SAMSN1: variants seen among roughly 807,000 people sequenced by gnomAD.
SAMSN1 encodes SAM domain-containing protein SAMSN-1.
In SAMSN1, 31 loss-of-function variants were observed where a neutral mutation model predicts 42.0. The observed-to-expected ratio is 0.74, with a 90% CI of 0.55 to 1.00. The LOEUF is 1.00. Ranked by LOEUF, SAMSN1 falls within the 50% of genes least tolerant of loss-of-function variation. The pLI, the probability that SAMSN1 is intolerant of heterozygous loss-of-function variation, is 0.00. For missense variants in SAMSN1, 464 were observed against 439.4 expected, an observed-to-expected ratio of 1.06 and a Z score of -0.50; for synonymous variants, 178 against 151.9, an observed-to-expected ratio of 1.17 and a Z score of -1.26.
intron 5 of SAMSN1, among the ~76,000 whole-genome samples, chr21:14,506,044 C>G (rs74786851): frequency 0.015 from 2,316 of 152,020 alleles, 57 homozygotes; most frequent in African/African-American, 0.046. Context: ...GTGACATGAC[C>G]TATGACAACC....
intron 1 of SAMSN1, among the ~76,000 whole-genome samples, chr21:14,538,051 A>G (rs1979745686): frequency 6.6e-6 from 1 of 152,234 alleles, no homozygotes; most frequent in Non-Finnish European, 1.5e-5. Flanking sequence ...TATCAAAAAT[A>G]CTTTTTAAAA....
At chr21:14,530,329 A>G (rs374963010) in intron 1 of SAMSN1, among the ~76,000 whole-genome samples, 4 of 126,432 alleles carry the variant, frequency 3.2e-5, no homozygotes, top group Non-Finnish European at 3.6e-5. Context: ...AAAAAAAAAA[A>G]AAAAAAAGAA....
chr21:14,585,820 C>T (rs1442920012), upstream of SAMSN1, among the ~76,000 whole-genome samples: 2 of 152,072 alleles, frequency 1.3e-5, no homozygotes, highest in African/African-American at 4.8e-5. Context: ...ATGTTTGATA[C>T]TAGACTCATT....
At chr21:14,546,152 T>A in intron 1 of SAMSN1, 53 bp downstream of exon 1, 1 of 1,487,440 alleles carries the variant, frequency 6.7e-7, no homozygotes, top group Non-Finnish European at 9.3e-7. Flanking sequence ...CATATGTGTT[T>A]ATTTTCTATT....
intron 6 of SAMSN1, among the ~76,000 whole-genome samples, chr21:14,595,618 A>C (rs1204588371): frequency 1.3e-5 from 2 of 152,194 alleles, no homozygotes; most frequent in Non-Finnish European, 2.9e-5. Context: ...TGACAATCGC[A>C]AGAAGTTTTA....
intron 1 of SAMSN1, among the ~76,000 whole-genome samples, chr21:14,524,704 T>TG (rs1482575770): frequency 6.6e-6 from 1 of 152,196 alleles, no homozygotes; most frequent in Non-Finnish European, 1.5e-5. Context: ...TAAAGCCTAA[T>TG]GTTCATCAAG....
chr21:14,551,341 A>G (rs542587499), intron 2 of SAMSN1, among the ~76,000 whole-genome samples: 1 of 152,260 alleles, frequency 6.6e-6, no homozygotes, highest in South Asian at 2.1e-4. Context: ...GAACCTAAAG[A>G]ATCATACAGG....
chr21:14,604,799 A>T (rs1427660270), intron 5 of SAMSN1, among the ~76,000 whole-genome samples: 2 of 152,226 alleles, frequency 1.3e-5, no homozygotes, highest in Non-Finnish European at 2.9e-5. Flanking sequence ...CATGTAAGTG[A>T]AGGAGCCTCT....
chr21:14,490,691 G>A (rs1478385907), intron 7 of SAMSN1, among the ~76,000 whole-genome samples: 1 of 152,146 alleles, frequency 6.6e-6, no homozygotes, highest in Non-Finnish European at 1.5e-5. Context: ...AACAAATTAA[G>A]AATAGGATTC....
rs75577011 is a variant in SAMSN1, at chr21:14,627,601, A to C, written c.157-11585T>G. 5.0e-3 allele frequency among the ~76,000 whole-genome samples: 761 copies of C among 152,274 alleles called. 5 individuals carry two copies. Among genetic ancestry groups the C allele is most frequent in the African/African-American group, 0.014 (568 of 41,560 alleles). Reference sequence around the variant, plus strand: ...TTGTACTTTGAAAGGTGGTTCTACAAATTGTCTGGAGGCCCATGGCCAATA... The same window carrying C: ...TTGTACTTTGAAAGGTGGTTCTACACATTGTCTGGAGGCCCATGGCCAATA... On this transcript the variant is annotated intron_variant, in intron 2 of 15. Coordinates refer to the SAMSN1 transcript ENST00000647101.
At chr21:14,649,612 A>G (rs1983791921) in intron 1 of SAMSN1, among the ~76,000 whole-genome samples, 1 of 152,042 alleles carries the variant, frequency 6.6e-6, no homozygotes, top group Admixed American at 6.5e-5. Context: ...TCTACTAAAA[A>G]TACAAAAATT....
chr21:14,620,286 G>T (rs190075631), intron 2 of SAMSN1, among the ~76,000 whole-genome samples: 167 of 152,220 alleles, frequency 1.1e-3, no homozygotes, highest in African/African-American at 4.0e-3. Flanking sequence ...TGGGTCATGG[G>T]GGTGGTTTTC....
At chr21:14,651,553 T>C (rs1009163908) in intron 1 of SAMSN1, among the ~76,000 whole-genome samples, 1 of 151,914 alleles carries the variant, frequency 6.6e-6, no homozygotes. Flanking sequence ...AATAAAAGCC[T>C]TATACAATAG....
intron 1 of SAMSN1, among the ~76,000 whole-genome samples, chr21:14,532,563 A>G (rs1979337220): frequency 6.6e-6 from 1 of 152,218 alleles, no homozygotes; most frequent in African/African-American, 2.4e-5. Context: ...GGGGGTTAAT[A>G]GCAGAGTTGA....
chr21:14,649,772 A>AACAC (rs60905314), intron 1 of SAMSN1, among the ~76,000 whole-genome samples: 8,397 of 135,358 alleles, frequency 0.062, 261 homozygotes, highest in East Asian at 0.11. Context: ...ACTGTCTCAA[A>AACAC]ACACACACAC....
At chr21:14,556,368 A>G (rs1464646488) in intron 2 of SAMSN1, among the ~76,000 whole-genome samples, 1 of 152,214 alleles carries the variant, frequency 6.6e-6, no homozygotes, top group Non-Finnish European at 1.5e-5. Flanking sequence ...GTTTAATTAC[A>G]AATAAATAGA....
rs8132291 is a variant in SAMSN1, at chr21:14,657,088, G to A, written c.24+1660C>T. ...CACCCCTTTTTCAAAGGTTATAACA[G>A]CACAGTAGGGTGTCACAACACTGTG... On this transcript the variant is annotated intron_variant, in intron 1 of 15. Coordinates refer to the SAMSN1 transcript ENST00000647101. Among the ~76,000 whole-genome samples, 427 of 151,748 alleles carry A rather than the reference G, an allele frequency of 2.8e-3. 1 individual carries two copies. The highest frequency in any genetic ancestry group is 9.7e-3 in the African/African-American group (404 of 41,438).
chr21:14,605,959 A>C (rs1419738923), intron 5 of SAMSN1, among the ~76,000 whole-genome samples: 1 of 151,838 alleles, frequency 6.6e-6, no homozygotes, highest in Non-Finnish European at 1.5e-5. Context: ...CTCCTTCCTC[A>C]GCCTCCCTAG....
chr21:14,581,447 C>T (rs1222790197), intron 2 of SAMSN1, among the ~76,000 whole-genome samples: 1 of 138,280 alleles, frequency 7.2e-6, no homozygotes, highest in African/African-American at 2.6e-5. Flanking sequence ...CAAGCTCCAC[C>T]TCCTGGGTTC....
Sources: allele counts gnomAD v4.1 joint callset (sites outside exome capture counted in the v4.1 genomes callset), GRCh38; gene constraint gnomAD v4.1.1; transcripts MANE v1.5; gene names NCBI Gene and HGNC (gene_info 2026-07-23, HGNC 2026-07-21).